Variants in GRM3 observed in about 807,000 individuals in gnomAD.
GRM3 encodes metabotropic glutamate receptor 3.
Under a neutral mutation model 70.5 loss-of-function variants are expected in GRM3, and 26 were observed. The ratio of observed to expected loss-of-function variants is 0.37; its 90% CI spans 0.27 to 0.51. The LOEUF (loss-of-function observed/expected upper bound fraction) is 0.51, where lower values mean the gene tolerates loss of function less well. GRM3 is among the 20% of genes least tolerant of loss of function. The pLI is 0.93. For synonymous variants in GRM3, 443 were observed against 434.9 expected, an observed-to-expected ratio of 1.02 and a Z score of -0.23; for missense variants, 859 against 1,123.8, an observed-to-expected ratio of 0.76 and a Z score of 3.37.
At chr7:86,774,098 A>G (rs1175846616) in intron 2 of GRM3, among the ~76,000 whole-genome samples, 1 of 152,148 alleles carries the variant, frequency 6.6e-6, no homozygotes, top group Non-Finnish European at 1.5e-5. Flanking sequence ...GACACTTCTG[A>G]TTAAACCTAT....
chr7:86,724,516 G>A (rs1009378126), intron 1 of GRM3, among the ~76,000 whole-genome samples: 5 of 152,028 alleles, frequency 3.3e-5, no homozygotes, highest in South Asian at 2.1e-4. Context: ...ACAGTAATAC[G>A]CTGGAGAACT....
chr7:86,788,717 A>G (rs1797332247), intron 3 of GRM3, among the ~76,000 whole-genome samples: 1 of 152,244 alleles, frequency 6.6e-6, no homozygotes, highest in Admixed American at 6.5e-5. Context: ...ACTCTCAGGT[A>G]TTCGTAAAAG....
intron 5 of GRM3, among the ~76,000 whole-genome samples, chr7:86,861,412 G>C (rs1798955688): frequency 6.6e-6 from 1 of 152,140 alleles, no homozygotes; most frequent in Admixed American, 6.6e-5. Context: ...CAAGGGTATA[G>C]GATGCTACAC....
intron 5 of GRM3, among the ~76,000 whole-genome samples, chr7:86,861,855 G>A (rs1584285450): frequency 6.6e-6 from 1 of 152,140 alleles, no homozygotes; most frequent in Non-Finnish European, 1.5e-5. Flanking sequence ...GCTGTATAGA[G>A]AATATATTGC....
intron 1 of GRM3, among the ~76,000 whole-genome samples, chr7:86,702,585 A>C (rs1438788526): frequency 6.6e-6 from 1 of 152,002 alleles, no homozygotes; most frequent in Non-Finnish European, 1.5e-5. Context: ...GAATCCCTAA[A>C]AGATCCAATT....
At chr7:86,815,493 AAAGT>A (rs1380043039) in intron 3 of GRM3, among the ~76,000 whole-genome samples, 3 of 151,912 alleles carry the variant, frequency 2.0e-5, no homozygotes, top group African/African-American at 7.2e-5. Flanking sequence ...TATACAAAAG[AAAGT>A]AAGGGTAGTC....
At chr7:86,758,470 G>A (rs1488626318) in intron 1 of GRM3, among the ~76,000 whole-genome samples, 2 of 152,250 alleles carry the variant, frequency 1.3e-5, no homozygotes, top group Admixed American at 1.3e-4. Flanking sequence ...TTTGTAATGA[G>A]GGTAAGGAAC....
intron 1 of GRM3, among the ~76,000 whole-genome samples, chr7:86,711,423 T>C (rs1036431387): frequency 6.6e-6 from 1 of 152,138 alleles, no homozygotes; most frequent in Non-Finnish European, 1.5e-5. Context: ...TTTGGTGGCA[T>C]GTTAAATATA....
At chr7:86,812,202 C>T (rs1279193352) in intron 3 of GRM3, among the ~76,000 whole-genome samples, 1 of 151,718 alleles carries the variant, frequency 6.6e-6, no homozygotes, top group African/African-American at 2.4e-5. Context: ...TAGGAAAATA[C>T]ATATGACTAT....
intron 3 of GRM3, among the ~76,000 whole-genome samples, chr7:86,804,228 G>T (rs1370701857): frequency 6.6e-6 from 1 of 152,084 alleles, no homozygotes; most frequent in Non-Finnish European, 1.5e-5. Context: ...AGAGAATATT[G>T]CCATGAATAA....
At chr7:86,830,172 A>G (rs746286080) in intron 3 of GRM3, among the ~76,000 whole-genome samples, 26 of 152,142 alleles carry the variant, frequency 1.7e-4, no homozygotes, top group Non-Finnish European at 2.8e-4. Flanking sequence ...TAGAGAACAT[A>G]CCAAAAATGC....
rs1208938957 is a variant in GRM3 at position 86,650,461 on chromosome 7, CAAT to C, written c.-141+5593_-141+5595del. ...GACATGCTTTGGTAAGGAGGGCAAA[CAAT>C]AATCAATGAAAGGGAGTCTAGAATA... On this transcript the variant is annotated intron_variant, in intron 1 of 5. Coordinates refer to ENST00000361669, the MANE Select transcript of GRM3 (RefSeq NM_000840.3). 4.6e-5 allele frequency among the ~76,000 whole-genome samples: 7 copies of C among 152,076 alleles called. No individual in the cohort carries two copies. In the East Asian group the frequency reaches 1.4e-3, roughly 29 times the overall value.
At chr7:86,840,030 C>T (rs1210754036) in intron 4 of GRM3, 125 bp downstream of exon 4, 3 of 634,020 alleles carry the variant, frequency 4.7e-6, no homozygotes, top group South Asian at 1.9e-5. Flanking sequence ...CCATGATGAG[C>T]CTGTATATTG....
chr7:86,765,150 A>T lies in GRM3; in HGVS notation c.5A>T (p.Lys2Met), dbSNP rs1208837872. Reference protein sequence around the residue: MKMLTRLQVLTL... With the variant: MMMLTRLQVLTL... ...AGAGGTACAGAAACAGGATTCATGAAGATGTTGACAAGACTGCAAGTTCTT... is the reference window on the plus strand; with the variant it reads ...AGAGGTACAGAAACAGGATTCATGATGATGTTGACAAGACTGCAAGTTCTT... Residue 2 changes from lysine to methionine, a missense_variant, in exon 2 of 6, where the codon AAG becomes ATG. Coordinates refer to ENST00000361669, the MANE Select transcript of GRM3 (RefSeq NM_000840.3). 1 of 1,569,056 alleles carries T rather than the reference A, an allele frequency of 6.4e-7. No individual in the cohort carries two copies. Among genetic ancestry groups the T allele is most frequent in the Non-Finnish European group, 8.6e-7 (1 of 1,161,816 alleles).
chr7:86,656,110 C>A (rs370584951), intron 1 of GRM3, among the ~76,000 whole-genome samples: 1 of 152,074 alleles, frequency 6.6e-6, no homozygotes, highest in African/African-American at 2.4e-5. Context: ...GGAAAAAATT[C>A]TTAGCATGTG....
chr7:86,727,246 G>T (rs1412480504), intron 1 of GRM3, among the ~76,000 whole-genome samples: 2 of 152,112 alleles, frequency 1.3e-5, no homozygotes, highest in Non-Finnish European at 2.9e-5. Flanking sequence ...CAGGAGAAAA[G>T]AAAGCTCTTT....
intron 1 of GRM3, among the ~76,000 whole-genome samples, chr7:86,699,365 C>A (rs1268093012): frequency 6.6e-6 from 1 of 152,012 alleles, no homozygotes; most frequent in African/African-American, 2.4e-5. Flanking sequence ...GGTTCCTGCA[C>A]TGTTTATTGT....
chr7:86,787,671 A>AG (rs1797294784), intron 3 of GRM3, among the ~76,000 whole-genome samples: 1 of 152,188 alleles, frequency 6.6e-6, no homozygotes, highest in East Asian at 1.9e-4. Context: ...TTTCTGCTAT[A>AG]CCAAAACATT....
chr7:86,765,058 C>T lies in GRM3; in HGVS notation c.-88C>T. 6.7e-7 allele frequency: 1 copy of T among 1,498,784 alleles called. No homozygotes were observed. The highest frequency in any genetic ancestry group is 8.8e-7 in the Non-Finnish European group (1 of 1,131,908). 92.8% of individuals were successfully genotyped at this position (1,498,784 alleles called of 1,614,324 possible). On this transcript the variant is annotated 5_prime_UTR_variant, in exon 2 of 6. Coordinates refer to ENST00000361669, the MANE Select transcript of GRM3 (RefSeq NM_000840.3). Reference sequence around the variant, plus strand: ...GTTCCTCCCTTATTTGAAGGACAGGCCAAAGATCCAGTTTGGAAATGAGAG... The same window carrying T: ...GTTCCTCCCTTATTTGAAGGACAGGTCAAAGATCCAGTTTGGAAATGAGAG...
Sources: allele counts gnomAD v4.1 joint callset (sites outside exome capture counted in the v4.1 genomes callset), GRCh38; gene constraint gnomAD v4.1.1; transcripts MANE v1.5; gene names NCBI Gene and HGNC (gene_info 2026-07-23, HGNC 2026-07-21).